Variants in ADGRG7 observed in about 807,000 individuals in gnomAD.
ADGRG7 encodes G-protein coupled receptor 128.
A neutral mutation model predicts 88.6 loss-of-function variants in ADGRG7; 82 were observed. The ratio of observed to expected loss-of-function variants is 0.93; its 90% CI spans 0.77 to 1.11. The LOEUF (loss-of-function observed/expected upper bound fraction) is 1.11. Among genes scored for constraint, ADGRG7 ranks in the 50% most tolerant of loss-of-function variants. ADGRG7 has a pLI of 0.00. For synonymous variants in ADGRG7, 381 were observed against 345.2 expected, an observed-to-expected ratio of 1.10 and a Z score of -1.15; for missense variants, 945 against 953.4, an observed-to-expected ratio of 0.99 and a Z score of 0.12.
intron 15 of ADGRG7, among the ~76,000 whole-genome samples, chr3:100,688,341 T>C (rs1054042274): frequency 1.3e-5 from 2 of 152,212 alleles, no homozygotes; most frequent in Non-Finnish European, 2.9e-5. Context: ...CTGGATTCAT[T>C]GATTTTTTGA....
intron 1 of ADGRG7, among the ~76,000 whole-genome samples, chr3:100,616,497 G>T (rs1576310635): frequency 6.6e-6 from 1 of 152,186 alleles, no homozygotes; most frequent in East Asian, 1.9e-4. Flanking sequence ...AAAAATTAAT[G>T]AGTGATTTAA....
chr3:100,635,504 G>T, intron 4 of ADGRG7, 173 bp from the exon 5 acceptor site: 1 of 1,394,980 alleles, frequency 7.2e-7, no homozygotes. Flanking sequence ...CCACTGGTCT[G>T]CATGTACTTT....
At chr3:100,659,661 T>A in intron 13 of ADGRG7, 27 bp from the exon 14 acceptor site, 1 of 1,610,242 alleles carries the variant, frequency 6.2e-7, no homozygotes. Flanking sequence ...CTTAGTCTGC[T>A]GAAGCAATTT....
chr3:100,653,792 A>AT lies in ADGRG7; in HGVS notation c.1380-1030dup, dbSNP rs879421915. Among the ~76,000 whole-genome samples, 974 of 144,410 alleles carry AT rather than the reference A, an allele frequency of 6.7e-3. 4 individuals are homozygous for AT. The highest frequency in any genetic ancestry group is 7.9e-3 in the Admixed American group (114 of 14,450). The allele number at this position is 144,410 out of a possible 152,430, so 94.7% of individuals were successfully genotyped here. On this transcript the variant is annotated intron_variant, in intron 11 of 15. Coordinates refer to ENST00000273352, the MANE Select transcript of ADGRG7 (RefSeq NM_032787.3). The stretch of plus-strand genomic sequence containing the variant: ...TACAGTCTCAGAGGACTTTCATGCA[A>AT]TTTTTTTTTTTTTCAGCGAGGTGGC...
chr3:100,631,602 A>G (rs1166968884), intron 3 of ADGRG7, among the ~76,000 whole-genome samples: 1 of 152,156 alleles, frequency 6.6e-6, no homozygotes, highest in Non-Finnish European at 1.5e-5. Context: ...ATGGAACTAG[A>G]TATCTCAAGA....
intron 5 of ADGRG7, among the ~76,000 whole-genome samples, chr3:100,636,183 C>T (rs1028946383): frequency 6.6e-6 from 1 of 152,194 alleles, no homozygotes; most frequent in Non-Finnish European, 1.5e-5. Flanking sequence ...AGGTCTCAGC[C>T]TCCCAAGCAG....
chr3:100,654,399 G>A (rs2094934691), intron 11 of ADGRG7: 1 of 153,938 alleles, frequency 6.5e-6, no homozygotes, highest in Non-Finnish European at 1.4e-5. Context: ...CATTACTATG[G>A]GATATGAACA....
At chr3:100,621,142 C>T (rs1018554636) in intron 1 of ADGRG7, among the ~76,000 whole-genome samples, 4 of 152,132 alleles carry the variant, frequency 2.6e-5, no homozygotes, top group Non-Finnish European at 5.9e-5. Context: ...CCTCAACTCT[C>T]ATACTCTTCT....
chr3:100,617,466 G>A (rs547570452), intron 1 of ADGRG7, among the ~76,000 whole-genome samples: 15 of 150,452 alleles, frequency 1.0e-4, no homozygotes, highest in East Asian at 2.0e-4. Flanking sequence ...GAGAACATGC[G>A]GTGCTTGGTT....
At chr3:100,611,299 C>T (rs143655945) in intron 1 of ADGRG7, among the ~76,000 whole-genome samples, 47 of 110,844 alleles carry the variant, frequency 4.2e-4, no homozygotes, top group East Asian at 1.5e-3. Flanking sequence ...TTCCTTCCTT[C>T]CTTTCTTCTT....
intron 14 of ADGRG7, among the ~76,000 whole-genome samples, chr3:100,662,070 C>T (rs771888455): frequency 3.2e-4 from 48 of 152,160 alleles, no homozygotes; most frequent in Admixed American, 1.6e-3. Flanking sequence ...ATCTATTCAT[C>T]ACTAGTCCAC....
At chr3:100,634,157 C>A (rs1707497562) in intron 4 of ADGRG7, among the ~76,000 whole-genome samples, 1 of 152,132 alleles carries the variant, frequency 6.6e-6, no homozygotes, top group Non-Finnish European at 1.5e-5. Flanking sequence ...ATTATTTTGA[C>A]CAAAGTTGTA....
chr3:100,672,186 G>A (rs979780603), intron 15 of ADGRG7, among the ~76,000 whole-genome samples: 1 of 152,212 alleles, frequency 6.6e-6, no homozygotes, highest in East Asian at 1.9e-4. Context: ...TCCTATCCAT[G>A]AGCATGGAAT....
chr3:100,655,954 A>AAAT lies in ADGRG7; in HGVS notation c.1786_1788dup (p.Asn596dup), dbSNP rs754175589. On this transcript the variant is annotated inframe_insertion, in exon 13 of 16. Coordinates refer to ENST00000273352, the MANE Select transcript of ADGRG7 (RefSeq NM_032787.3). ...TGGGAGTTATTTATTCTCAGAATGGAAATAATCCACAGTGGGAATTAGACT... is the reference window on the plus strand; with the variant it reads ...TGGGAGTTATTTATTCTCAGAATGGAAATAATAATCCACAGTGGGAATTAGACT... The AAAT allele has an allele frequency of 6.2e-7, 1 of 1,610,236 alleles. No homozygotes were observed.
chr3:100,623,654 T>C (rs1052426740), intron 1 of ADGRG7, among the ~76,000 whole-genome samples: 3 of 152,188 alleles, frequency 2.0e-5, no homozygotes, highest in Admixed American at 1.3e-4. Flanking sequence ...ATGTACGTTT[T>C]AAGCCCCACA....
intron 1 of ADGRG7, among the ~76,000 whole-genome samples, chr3:100,624,351 G>A (rs185366308): frequency 6.5e-4 from 99 of 152,274 alleles, no homozygotes; most frequent in Non-Finnish European, 1.0e-3. Flanking sequence ...TTTGAGAAGT[G>A]TCTGTTCATA....
intron 1 of ADGRG7, among the ~76,000 whole-genome samples, chr3:100,620,558 G>C (rs1363556365): frequency 2.6e-5 from 4 of 152,118 alleles, no homozygotes; most frequent in Non-Finnish European, 4.4e-5. Flanking sequence ...GTTCTGGCCA[G>C]GGCAATCAGG....
chr3:100,691,091 C>T lies in ADGRG7; in HGVS notation c.2137-3653C>T, dbSNP rs570583375. Among the ~76,000 whole-genome samples, 185 of 152,364 alleles carry T rather than the reference C, an allele frequency of 1.2e-3. 1 individual carries two copies. The highest frequency in any genetic ancestry group is 3.3e-3 in the Admixed American group (50 of 15,306). ...GGCGCCCCTCCCTCAGCCTTGCTGC[C>T]GCCTTGCAGTTTGATCTCAGACTGC... is the stretch of plus-strand genomic sequence containing the variant. On this transcript the variant is annotated intron_variant, in intron 15 of 15. Coordinates refer to ENST00000273352, the MANE Select transcript of ADGRG7 (RefSeq NM_032787.3).
chr3:100,638,072 G>T (rs981036909), intron 6 of ADGRG7, among the ~76,000 whole-genome samples: 1 of 152,200 alleles, frequency 6.6e-6, no homozygotes, highest in Non-Finnish European at 1.5e-5. Flanking sequence ...TGCTCTCTTA[G>T]CTCCACCATC....
Sources: gnomAD v4.1 joint callset for allele counts (sites outside exome capture counted in the v4.1 genomes callset) on GRCh38, gnomAD v4.1.1 for gene constraint, MANE v1.5 for transcripts, NCBI Gene and HGNC (gene_info 2026-07-23, HGNC 2026-07-21) for gene names.